KIRREL3: variants seen among roughly 807,000 people sequenced by gnomAD.
KIRREL3 encodes kin of IRRE-like protein 3.
In KIRREL3, 36 loss-of-function variants were observed where a neutral mutation model predicts 89.7. The observed-to-expected ratio is 0.40, with a 90% CI of 0.31 to 0.53. The LOEUF (loss-of-function observed/expected upper bound fraction) is 0.53. Among genes scored for constraint, KIRREL3 ranks in the 20% least tolerant of loss-of-function variants. KIRREL3 has a pLI of 0.49. For synonymous variants in KIRREL3, 445 were observed against 441.4 expected (o/e 1.01, Z -0.10); for missense variants, 864 against 1,056.6 (o/e 0.82, Z 2.53).
At chr11:126,911,489 C>T (rs538734012) in intron 1 of KIRREL3, among the ~76,000 whole-genome samples, 7 of 152,276 alleles carry the variant, frequency 4.6e-5, no homozygotes, top group South Asian at 4.1e-4. Flanking sequence ...ATCACCTTCA[C>T]GGCCTCACTG....
In KIRREL3 at chr11:126,996,811, C is replaced by T. The variant is rs1179202566; in HGVS notation, c.55+3644G>A. Among the ~76,000 whole-genome samples the T allele has an allele frequency of 6.6e-6, 1 of 152,166 alleles. No homozygotes were observed. The highest frequency in any genetic ancestry group is 1.5e-5 in the Non-Finnish European group (1 of 68,042). On this transcript the variant is annotated intron_variant, in intron 1 of 16. Coordinates refer to ENST00000525144, the MANE Select transcript of KIRREL3 (RefSeq NM_032531.4). This position sits in a 1 kb window ranked among gnomAD's most constrained non-coding sequence, Gnocchi z 4.7. ...GTAAATGCAAGTTTTCACTTTTACC[C>T]CAATACAGTACAGTGTGCATGCAAA...
At position 126,768,459 on chromosome 11, in the gene KIRREL3, T is replaced by C. The variant is rs1169888449; in HGVS notation, c.56-205547A>G. ...GATCTTATGAACTTGGTTTATGAGA[T>C]CCTTGGTTTAGTGTGTGTTGAAGAG... On this transcript the variant is annotated intron_variant, in intron 1 of 16. Coordinates refer to ENST00000525144, the MANE Select transcript of KIRREL3 (RefSeq NM_032531.4). This position sits in a 1 kb window ranked among gnomAD's most constrained non-coding sequence, Gnocchi z 4.5. Among the ~76,000 whole-genome samples, 2 of 152,216 alleles carry C rather than the reference T, an allele frequency of 1.3e-5. No homozygotes were observed.
chr11:126,561,496 C>G lies in KIRREL3; in HGVS notation c.133+1339G>C, dbSNP rs182014059. Among the ~76,000 whole-genome samples, 1 of 152,178 alleles carries G rather than the reference C, an allele frequency of 6.6e-6. No individual in the cohort carries two copies. Among genetic ancestry groups the G allele is most frequent in the Admixed American group, 6.5e-5 (1 of 15,284 alleles). On this transcript the variant is annotated intron_variant, in intron 2 of 16. Transcript: ENST00000525144. The surrounding 1 kb of genome is among the most constrained non-coding windows in gnomAD (Gnocchi z 4.5). ...CTATTCAGCACCACGGACAGAGGCA[C>G]GCTGTCAGTTCCCACAAATTAGAAG...
rs1247200219 is a variant in KIRREL3, at chr11:126,912,355, T to A, written c.55+88100A>T. 6.6e-6 allele frequency among the ~76,000 whole-genome samples: 1 copy of A among 152,120 alleles called. No individual in the cohort carries two copies. Among genetic ancestry groups the A allele is most frequent in the Non-Finnish European group, 1.5e-5 (1 of 68,024 alleles). On this transcript the variant is annotated intron_variant, in intron 1 of 16. Coordinates refer to ENST00000525144, the MANE Select transcript of KIRREL3 (RefSeq NM_032531.4). The surrounding 1 kb of genome is among the most constrained non-coding windows in gnomAD (Gnocchi z 4.7). ...CCTCCCTCAGCTCCCTCTCCTGTCT[T>A]CACCTCCCTGGGCCATGTCTCTCAC... is the stretch of plus-strand genomic sequence containing the variant.
At chr11:126,499,699 A>G (rs1319482140) in intron 4 of KIRREL3, among the ~76,000 whole-genome samples, 2 of 152,196 alleles carry the variant, frequency 1.3e-5, no homozygotes, top group Non-Finnish European at 2.9e-5. Flanking sequence ...TGCTATGATT[A>G]CGTTTTCATT....
chr11:126,437,458 C>T (rs533900972), intron 11 of KIRREL3, among the ~76,000 whole-genome samples: 6 of 152,202 alleles, frequency 3.9e-5, no homozygotes, highest in East Asian at 1.9e-4. Flanking sequence ...TGTACACACA[C>T]ACCACACTAC....
At position 126,976,806 on chromosome 11, in the gene KIRREL3, G is replaced by A. The variant is rs1295271793; in HGVS notation, c.55+23649C>T. ...CATAGAAGGGTAAAGGAGAGGGGAG[G>A]TTACTACTGGCATAAGGTTATTACT... On this transcript the variant is annotated intron_variant, in intron 1 of 16. Transcript: ENST00000525144. The surrounding 1 kb of genome is among the most constrained non-coding windows in gnomAD (Gnocchi z 4.2). Among the ~76,000 whole-genome samples the A allele has an allele frequency of 1.3e-5, 2 of 152,092 alleles. No homozygotes were observed. Among genetic ancestry groups the A allele is most frequent in the Admixed American group, 6.5e-5 (1 of 15,272 alleles).
chr11:126,654,577 T>C (rs573287328), intron 1 of KIRREL3, among the ~76,000 whole-genome samples: 15 of 152,202 alleles, frequency 9.9e-5, no homozygotes, highest in African/African-American at 3.4e-4. Context: ...TTGCTTCAGA[T>C]AGATGTCCTT....
chr11:126,654,235 T>C (rs1391285979), intron 1 of KIRREL3, among the ~76,000 whole-genome samples: 2 of 152,148 alleles, frequency 1.3e-5, no homozygotes, highest in Non-Finnish European at 2.9e-5. Flanking sequence ...TTGCTAGAAG[T>C]TGCTAAAGGA....
chr11:126,552,776 T>C (rs2134542944), intron 2 of KIRREL3, among the ~76,000 whole-genome samples: 1 of 152,046 alleles, frequency 6.6e-6, no homozygotes, highest in East Asian at 1.9e-4. Flanking sequence ...TTGGCCAGGC[T>C]GGTCTCAAAC....
rs567861322 is a variant in KIRREL3, at chr11:126,704,471, G to A, written c.56-141559C>T. On this transcript the variant is annotated intron_variant, in intron 1 of 16. Transcript: ENST00000525144. The surrounding 1 kb of genome is among the most constrained non-coding windows in gnomAD (Gnocchi z 4.2). ...TAGGGGCTCACAGTCTTGTCACTTAGAAGGTCTGTCTGAGAGACCTTGGTG... is the reference window on the plus strand; with the variant it reads ...TAGGGGCTCACAGTCTTGTCACTTAAAAGGTCTGTCTGAGAGACCTTGGTG... 2.8e-4 allele frequency among the ~76,000 whole-genome samples: 43 copies of A among 152,362 alleles called. No homozygotes were observed. The highest frequency in any genetic ancestry group is 5.3e-4 in the Non-Finnish European group (36 of 68,034).
intron 1 of KIRREL3, among the ~76,000 whole-genome samples, chr11:126,777,013 G>A (rs1380055570): frequency 2.0e-5 from 3 of 152,188 alleles, no homozygotes; most frequent in Non-Finnish European, 4.4e-5. Flanking sequence ...AACCTCAGAT[G>A]TCAGGAGAGA....
At chr11:126,701,760 C>A (rs987561300) in intron 1 of KIRREL3, among the ~76,000 whole-genome samples, 1 of 152,070 alleles carries the variant, frequency 6.6e-6, no homozygotes, top group Non-Finnish European at 1.5e-5. Flanking sequence ...GGGGAGAAGC[C>A]CTGCCCCTAC....
At chr11:126,880,783 C>A (rs1275970819) in intron 1 of KIRREL3, among the ~76,000 whole-genome samples, 14 of 151,932 alleles carry the variant, frequency 9.2e-5, no homozygotes, top group Admixed American at 5.2e-4. Flanking sequence ...TTATTTTAGA[C>A]CAAAGAAGCC....
At position 126,440,561 on chromosome 11, in the gene KIRREL3, C is replaced by T. The variant is rs1211076444; in HGVS notation, c.1253-12G>A. ...GATGATGGGGGGTCCTGTTGAGAAA[C>T]AGCGTCCCATTAGGCACCCGGGAAG... On this transcript the variant is annotated splice_polypyrimidine_tract_variant and intron_variant, in intron 10 of 16. Coordinates refer to ENST00000525144, the MANE Select transcript of KIRREL3 (RefSeq NM_032531.4). 1.3e-6 allele frequency: 2 copies of T among 1,585,588 alleles called. No homozygotes were observed. The highest frequency in any genetic ancestry group is 4.6e-5 in the East Asian group (2 of 43,368).
intron 1 of KIRREL3, among the ~76,000 whole-genome samples, chr11:126,863,020 A>G (rs1944753589): frequency 6.6e-6 from 1 of 152,186 alleles, no homozygotes; most frequent in Non-Finnish European, 1.5e-5. Context: ...TTCAAGGCTT[A>G]GGGAGTGTGA....
At position 126,747,543 on chromosome 11, in the gene KIRREL3, C is replaced by T. The variant is rs1005186269; in HGVS notation, c.56-184631G>A. Among the ~76,000 whole-genome samples, 2 of 152,052 alleles carry T rather than the reference C, an allele frequency of 1.3e-5. No homozygotes were observed. The highest frequency in any genetic ancestry group is 2.4e-5 in the African/African-American group (1 of 41,386). On this transcript the variant is annotated intron_variant, in intron 1 of 16. Transcript: ENST00000525144. The surrounding 1 kb of genome is among the most constrained non-coding windows in gnomAD (Gnocchi z 4.7). ...AAAGGCCTGCTCACATGTTCCCTCT[C>T]TGCAAAGCAGTGCTCTCTGTGGTCG...
Position 126,562,830 on chromosome 11 carries a change from C to A in KIRREL3, c.133+5G>T. On this transcript the variant is annotated splice_donor_5th_base_variant and intron_variant, in intron 2 of 16. Coordinates refer to ENST00000525144, the MANE Select transcript of KIRREL3 (RefSeq NM_032531.4). The surrounding 1 kb of genome is among the most constrained non-coding windows in gnomAD (Gnocchi z 4.7). Reference sequence around the variant, plus strand: ...TCCCGAGACAATGGGGAGGTTCTCACTGACCTTCATTCATTCTCCGAAACT... The same window carrying A: ...TCCCGAGACAATGGGGAGGTTCTCAATGACCTTCATTCATTCTCCGAAACT... 6.2e-7 allele frequency: 1 copy of A among 1,613,226 alleles called. No individual in the cohort carries two copies. The highest frequency in any genetic ancestry group is 8.5e-7 in the Non-Finnish European group (1 of 1,179,270).
In KIRREL3 at chr11:126,771,585, C is replaced by T. The variant is rs549022960; in HGVS notation, c.56-208673G>A. 6.6e-6 allele frequency among the ~76,000 whole-genome samples: 1 copy of T among 152,280 alleles called. No homozygotes were observed. Among genetic ancestry groups the T allele is most frequent in the African/African-American group, 2.4e-5 (1 of 41,560 alleles). On this transcript the variant is annotated intron_variant, in intron 1 of 16. Transcript: ENST00000525144. This position sits in a 1 kb window ranked among gnomAD's most constrained non-coding sequence, Gnocchi z 4.4. ...TTTTGCACCAACCGAAATAGTTTTA[C>T]CAGGGCAGGGAGACACTGTCTTTCA...
Sources: allele counts gnomAD v4.1 joint callset (sites outside exome capture counted in the v4.1 genomes callset), GRCh38; gene constraint gnomAD v4.1.1; non-coding constraint Gnocchi (gnomAD v3.1); transcripts MANE v1.5; gene names NCBI Gene and HGNC (gene_info 2026-07-23, HGNC 2026-07-21).